The following MSRA variants were observed in gnomAD, a reference collection of about 807,000 sequenced individuals.
MSRA encodes the protein methionine sulfoxide reductase A, also known as mitochondrial peptide methionine sulfoxide reductase.
A neutral mutation model predicts 31.3 loss-of-function variants in MSRA; 54 were observed. That is an observed-to-expected ratio of 1.73 (90% CI 1.39 to 2.17). The LOEUF is 2.17. MSRA is among the 30% of genes most tolerant of loss of function. MSRA has a pLI of 0.00. For missense variants in MSRA, 507 were observed against 300.9 expected, an observed-to-expected ratio of 1.69 and a Z score of -5.07; for synonymous variants, 169 against 116.5, an observed-to-expected ratio of 1.45 and a Z score of -2.90.
chr8:10,390,928 A>G (rs1434837220), intron 5 of MSRA, among the ~76,000 whole-genome samples: 1 of 151,284 alleles, frequency 6.6e-6, no homozygotes, highest in Non-Finnish European at 1.5e-5. Context: ...GTGAGCCGAG[A>G]TCGCGCCACT....
rs144695695 is a variant in MSRA, at chr8:10,257,472, C to G, written c.331+12249C>G. 6.1e-3 allele frequency among the ~76,000 whole-genome samples: 922 copies of G among 152,166 alleles called. 6 individuals are homozygous for G. The highest frequency in any genetic ancestry group is 0.021 in the African/African-American group (880 of 41,514). ...CCCAGGCTGGAGTGCAATGGCGTGACCTCGGCTCACTGCAACCCCCGCCTC... is the reference window on the plus strand; with the variant it reads ...CCCAGGCTGGAGTGCAATGGCGTGAGCTCGGCTCACTGCAACCCCCGCCTC... On this transcript the variant is annotated intron_variant, in intron 3 of 5. Transcript: ENST00000317173.
intron 1 of MSRA, among the ~76,000 whole-genome samples, chr8:10,106,690 G>A (rs946174823): frequency 6.6e-6 from 1 of 152,134 alleles, no homozygotes; most frequent in Non-Finnish European, 1.5e-5. Context: ...TGCTTCTTGT[G>A]ATTTCACATT....
rs1325524303 is a variant in MSRA at position 10,339,820 on chromosome 8, C to A, written c.543+19831C>A. 4.0e-5 allele frequency among the ~76,000 whole-genome samples: 6 copies of A among 151,416 alleles called. No individual in the cohort carries two copies. The South Asian group carries it at 1.3e-3, about 32-fold the overall frequency. ...CCTCCCAAAGTGCTGGGATTACAGGCGTGAGCCACCACGCCCGGCAGCAAG... is the reference window on the plus strand; with the variant it reads ...CCTCCCAAAGTGCTGGGATTACAGGAGTGAGCCACCACGCCCGGCAGCAAG... On this transcript the variant is annotated intron_variant, in intron 5 of 5. Coordinates refer to ENST00000317173, the MANE Select transcript of MSRA (RefSeq NM_012331.5).
At chr8:10,362,537 C>A (rs1392159557) in intron 5 of MSRA, among the ~76,000 whole-genome samples, 1 of 150,400 alleles carries the variant, frequency 6.6e-6, no homozygotes, top group African/African-American at 2.4e-5. Flanking sequence ...GGAGGGGAGG[C>A]CACTGAGACA....
At chr8:10,344,879 C>A (rs191181106) in intron 5 of MSRA, among the ~76,000 whole-genome samples, 115 of 152,246 alleles carry the variant, frequency 7.6e-4, no homozygotes, top group Non-Finnish European at 1.2e-3. Context: ...TAACAAACTA[C>A]CCCAATCATG....
intron 1 of MSRA, among the ~76,000 whole-genome samples, chr8:10,105,760 T>C (rs1398446590): frequency 2.0e-5 from 3 of 152,236 alleles, no homozygotes; most frequent in Non-Finnish European, 4.4e-5. Flanking sequence ...GATTGAGTTG[T>C]GGCTGAGGCT....
intron 5 of MSRA, among the ~76,000 whole-genome samples, chr8:10,417,363 T>C (rs1808522769): frequency 6.6e-6 from 1 of 151,890 alleles, no homozygotes. Context: ...CTGGAGCTCC[T>C]GTTGCTCCGG....
At chr8:10,135,014 T>C (rs17151175) in intron 1 of MSRA, among the ~76,000 whole-genome samples, 9,747 of 152,288 alleles carry the variant, frequency 0.064, 1,036 homozygotes, top group African/African-American at 0.22. Flanking sequence ...ATTAACATTT[T>C]GTGTAATATC....
At chr8:10,172,421 C>A (rs1805670051) in intron 1 of MSRA, among the ~76,000 whole-genome samples, 1 of 151,934 alleles carries the variant, frequency 6.6e-6, no homozygotes, top group South Asian at 2.1e-4. Context: ...GCGGAAGAGT[C>A]CAGCTGTGGT....
At chr8:10,122,439 G>T (rs543418220) in intron 1 of MSRA, among the ~76,000 whole-genome samples, 2 of 152,162 alleles carry the variant, frequency 1.3e-5, no homozygotes, top group East Asian at 1.9e-4. Context: ...ACAAAACTGT[G>T]ATGTAAATGA....
chr8:10,259,634 G>C (rs958987887), intron 3 of MSRA, among the ~76,000 whole-genome samples: 3 of 152,116 alleles, frequency 2.0e-5, no homozygotes, highest in African/African-American at 7.2e-5. Flanking sequence ...GGAAAGCTCA[G>C]AAAATAATAT....
At chr8:10,144,818 G>A (rs1279279524) in intron 1 of MSRA, among the ~76,000 whole-genome samples, 1 of 152,150 alleles carries the variant, frequency 6.6e-6, no homozygotes, top group Non-Finnish European at 1.5e-5. Context: ...GCAGTTGGGG[G>A]ATTGGCACAT....
At position 10,393,003 on chromosome 8, in the gene MSRA, A is replaced by G. The variant is rs917362759; in HGVS notation, c.544-35145A>G. Among the ~76,000 whole-genome samples the G allele has an allele frequency of 7.9e-5, 11 of 139,738 alleles. No homozygotes were observed. In the Admixed American group the frequency reaches 8.6e-4, roughly 11 times the overall value. 91.7% of individuals were successfully genotyped at this position (139,738 alleles called of 152,430 possible). Reference sequence around the variant, plus strand: ...CATGAACCCGGGAGGCGGAGCTTGCAGTGAGCCGAGATAGCGCCGCTGCAC... The same window carrying G: ...CATGAACCCGGGAGGCGGAGCTTGCGGTGAGCCGAGATAGCGCCGCTGCAC... On this transcript the variant is annotated intron_variant, in intron 5 of 5. Transcript: ENST00000317173.
rs2128908524 is a variant in MSRA, at chr8:10,054,587, G to A, written c.71G>A (p.Gly24Asp). 4 of 1,582,190 alleles carry A rather than the reference G, an allele frequency of 2.5e-6. No homozygotes were observed. Among genetic ancestry groups the A allele is most frequent in the East Asian group, 2.5e-5 (1 of 40,448 alleles). Reference sequence around the variant, plus strand: ...AGCCTCTTTCCCGTCCCGAGGATGGGCAACTCGGCCTCGAACATCGTCAGC... The same window carrying A: ...AGCCTCTTTCCCGTCCCGAGGATGGACAACTCGGCCTCGAACATCGTCAGC... Reference protein sequence around the residue: ...LHSLFPVPRMGNSASNIVSPQ... With the variant: ...LHSLFPVPRMDNSASNIVSPQ... The change falls in exon 1 of 6, where the codon GGC (glycine) becomes GAC (aspartate). Residue 24 changes from glycine to aspartate, a missense_variant. Transcript: ENST00000317173.
intron 3 of MSRA, among the ~76,000 whole-genome samples, chr8:10,266,344 G>A (rs546826119): frequency 2.5e-4 from 38 of 152,058 alleles, no homozygotes; most frequent in Non-Finnish European, 4.7e-4. Flanking sequence ...CCTGACGACC[G>A]AATTATATTA....
intron 1 of MSRA, among the ~76,000 whole-genome samples, chr8:10,114,589 TA>T (rs1375943478): frequency 6.6e-6 from 1 of 152,186 alleles, no homozygotes; most frequent in Non-Finnish European, 1.5e-5. Context: ...AAGATGCACT[TA>T]GATTGATCCA....
rs74412294 is a variant in MSRA, at chr8:10,254,723, G to A, written c.331+9500G>A. Among the ~76,000 whole-genome samples the A allele has an allele frequency of 7.5e-3, 1,139 of 152,326 alleles. 13 individuals are homozygous for A. The highest frequency in any genetic ancestry group is 0.026 in the African/African-American group (1,071 of 41,570). ...GGATTGAAAATAAAACAGGGTTTAT[G>A]TTTAAGACTGTCTCCTTCTAAGCCT... is the stretch of plus-strand genomic sequence containing the variant. On this transcript the variant is annotated intron_variant, in intron 3 of 5. Transcript: ENST00000317173.
At chr8:10,267,662 G>A (rs776554952) in intron 3 of MSRA, among the ~76,000 whole-genome samples, 3 of 152,024 alleles carry the variant, frequency 2.0e-5, no homozygotes, top group African/African-American at 4.8e-5. Context: ...AAGGAGCACC[G>A]GAGTTGGAGT....
chr8:10,394,229 A>G (rs934471972), intron 5 of MSRA, among the ~76,000 whole-genome samples: 3 of 152,192 alleles, frequency 2.0e-5, no homozygotes, highest in African/African-American at 7.2e-5. Flanking sequence ...GCGAAACCAA[A>G]GTTAATACTA....
Sources: allele counts gnomAD v4.1 joint callset (sites outside exome capture counted in the v4.1 genomes callset), GRCh38; gene constraint gnomAD v4.1.1; transcripts MANE v1.5; gene names NCBI Gene and HGNC (gene_info 2026-07-23, HGNC 2026-07-21).